Variants in CACNA2D1 observed in about 807,000 individuals in gnomAD.
CACNA2D1 encodes calcium voltage-gated channel auxiliary subunit alpha2delta 1.
Under a neutral mutation model 171.5 loss-of-function variants are expected in CACNA2D1, and 53 were observed. That is an observed-to-expected ratio of 0.31 (90% CI 0.25 to 0.39). The LOEUF (loss-of-function observed/expected upper bound fraction) is 0.39. Among genes scored for constraint, CACNA2D1 ranks in the 10% least tolerant of loss-of-function variants. The probability of loss-of-function intolerance (pLI) is 1.00; values close to 1 mark genes in which losing one functional copy is unlikely to be tolerated. For synonymous variants in CACNA2D1, 442 were observed against 443.1 expected (o/e 1.00, Z 0.03); for missense variants, 903 against 1,299.8 (o/e 0.69, Z 4.69).
intron 2 of CACNA2D1, among the ~76,000 whole-genome samples, chr7:82,346,322 GA>G (rs1271338686): frequency 6.6e-6 from 1 of 152,136 alleles, no homozygotes; most frequent in Non-Finnish European, 1.5e-5. Context: ...TATGACAAAT[GA>G]ATGACATTTG....
intron 3 of CACNA2D1, among the ~76,000 whole-genome samples, chr7:82,201,147 G>T (rs3801712): frequency 6.6e-6 from 1 of 152,098 alleles, no homozygotes; most frequent in Non-Finnish European, 1.5e-5. Flanking sequence ...AGAGGTGTTT[G>T]TGACAGCAGT....
At chr7:82,118,223 G>A (rs542615665) in intron 5 of CACNA2D1, among the ~76,000 whole-genome samples, 2 of 152,066 alleles carry the variant, frequency 1.3e-5, no homozygotes, top group East Asian at 3.9e-4. Context: ...TTTTGATACT[G>A]AATTACCTGG....
intron 3 of CACNA2D1, among the ~76,000 whole-genome samples, chr7:82,320,806 T>C (rs1815718481): frequency 6.6e-6 from 1 of 152,004 alleles, no homozygotes; most frequent in South Asian, 2.1e-4. Context: ...AGATGTGCTA[T>C]AAACAGTATT....
Position 82,197,226 on chromosome 7 carries a change from AG to A in CACNA2D1, c.295-26618del, listed in dbSNP as rs372825921. Among the ~76,000 whole-genome samples the A allele has an allele frequency of 1.6e-3, 240 of 152,144 alleles. 2 individuals carry two copies. The highest frequency in any genetic ancestry group is 5.5e-3 in the African/African-American group (229 of 41,550). On this transcript the variant is annotated intron_variant, in intron 3 of 38. Transcript: ENST00000356860. ...TTATTGTGACAGAATATATTATATA[AG>A]AGTATTCAGAAACAAAACCTAAGGT...
intron 1 of CACNA2D1, among the ~76,000 whole-genome samples, chr7:82,387,345 T>TA (rs143382801): frequency 0.033 from 5,078 of 152,132 alleles, 310 homozygotes; most frequent in African/African-American, 0.12. Flanking sequence ...CCTCCCCCTT[T>TA]AAAAAAAGAA....
intron 3 of CACNA2D1, among the ~76,000 whole-genome samples, chr7:82,188,871 C>G (rs1349362498): frequency 6.6e-6 from 1 of 152,102 alleles, no homozygotes; most frequent in African/African-American, 2.4e-5. Flanking sequence ...TTTGCAGTGA[C>G]TTGGATGGAG....
At chr7:82,262,664 G>T (rs1807281284) in intron 3 of CACNA2D1, among the ~76,000 whole-genome samples, 1 of 152,106 alleles carries the variant, frequency 6.6e-6, no homozygotes, top group African/African-American at 2.4e-5. Context: ...GAAGGTCTCA[G>T]TACCATGTTT....
intron 1 of CACNA2D1, among the ~76,000 whole-genome samples, chr7:82,359,351 A>T (rs558836035): frequency 1.3e-5 from 2 of 152,188 alleles, no homozygotes; most frequent in African/African-American, 4.8e-5. Flanking sequence ...CATGGTAAAA[A>T]TTTCCTTATT....
intron 38 of CACNA2D1, among the ~76,000 whole-genome samples, chr7:81,954,243 A>G (rs974761684): frequency 2.6e-5 from 4 of 152,126 alleles, no homozygotes; most frequent in Non-Finnish European, 5.9e-5. Context: ...TTAAGTAGAA[A>G]ATAACAGATT....
At chr7:81,996,562 A>G (rs1179140333) in intron 19 of CACNA2D1, among the ~76,000 whole-genome samples, 4 of 151,968 alleles carry the variant, frequency 2.6e-5, no homozygotes, top group South Asian at 2.1e-4. Context: ...ATGTATCATC[A>G]GTACAACAGA....
At chr7:82,237,296 T>TA (rs1803704310) in intron 3 of CACNA2D1, among the ~76,000 whole-genome samples, 1 of 151,854 alleles carries the variant, frequency 6.6e-6, no homozygotes, top group African/African-American at 2.4e-5. Context: ...AGACAGGAAA[T>TA]AAAAAGACAG....
chr7:82,083,266 T>C (rs979909826), intron 7 of CACNA2D1, among the ~76,000 whole-genome samples: 1 of 152,086 alleles, frequency 6.6e-6, no homozygotes, highest in African/African-American at 2.4e-5. Context: ...CTTATATTTG[T>C]ATATTATAGG....
At chr7:82,002,034 AAAAAAAAAAG>A (rs1395954716) in intron 18 of CACNA2D1, among the ~76,000 whole-genome samples, 1 of 150,342 alleles carries the variant, frequency 6.7e-6, no homozygotes, top group Non-Finnish European at 1.5e-5. Flanking sequence ...AAAAAAAAAA[AAAAAAAAAAG>A]AGAGAGAGAG....
chr7:82,350,383 G>A (rs531353007), intron 1 of CACNA2D1, among the ~76,000 whole-genome samples: 2 of 151,918 alleles, frequency 1.3e-5, no homozygotes, highest in African/African-American at 4.8e-5. Context: ...TTTTATTTCC[G>A]GGCCAGACAC....
At chr7:82,159,297 C>T (rs1244390764) in intron 4 of CACNA2D1, among the ~76,000 whole-genome samples, 1 of 151,844 alleles carries the variant, frequency 6.6e-6, no homozygotes, top group Non-Finnish European at 1.5e-5. Context: ...ATCCTTTTTA[C>T]CCTAAGTCTT....
Position 82,403,344 on chromosome 7 carries a change from A to G in CACNA2D1, c.95+40021T>C, listed in dbSNP as rs1826652486. Among the ~76,000 whole-genome samples the G allele has an allele frequency of 2.6e-5, 4 of 152,162 alleles. 1 individual carries two copies. In the South Asian group the frequency reaches 6.2e-4, roughly 24 times the overall value. ...TTAGTTAGAATTTTTTTGGTAGCAA[A>G]AGACAAAAAACTCAAATTGCTTATA... On this transcript the variant is annotated intron_variant, in intron 1 of 38. Transcript: ENST00000356860.
chr7:82,146,266 A>G lies in CACNA2D1; in HGVS notation c.355-9590T>C, dbSNP rs1387298763. 2.6e-5 allele frequency among the ~76,000 whole-genome samples: 4 copies of G among 151,392 alleles called. No individual in the cohort carries two copies. In the East Asian group the frequency reaches 7.8e-4, roughly 29 times the overall value. ...TCCCTAGAAGAAAGAAACATTCATG[A>G]CGTTCACTAAAAGGAACTGCTCATT... On this transcript the variant is annotated intron_variant, in intron 4 of 38. Transcript: ENST00000356860.
chr7:82,321,954 G>A (rs1343423113), intron 3 of CACNA2D1, among the ~76,000 whole-genome samples: 1 of 150,200 alleles, frequency 6.7e-6, no homozygotes, highest in African/African-American at 2.4e-5. Flanking sequence ...GTGAAACCCC[G>A]TCTCTACTAA....
At chr7:82,396,711 C>T (rs999654719) in intron 1 of CACNA2D1, among the ~76,000 whole-genome samples, 1 of 152,138 alleles carries the variant, frequency 6.6e-6, no homozygotes, top group Non-Finnish European at 1.5e-5. Context: ...CTTCTTATAT[C>T]CAAATAATGA....
Sources: allele counts gnomAD v4.1 joint callset (sites outside exome capture counted in the v4.1 genomes callset), GRCh38; gene constraint gnomAD v4.1.1; transcripts MANE v1.5; gene names NCBI Gene and HGNC (gene_info 2026-07-23, HGNC 2026-07-21).